IDH3A: variants seen among roughly 807,000 people sequenced by gnomAD.
IDH3A encodes the protein isocitrate dehydrogenase (NAD(+)) 3 catalytic subunit alpha.
In IDH3A, 23 loss-of-function variants were observed where a neutral mutation model predicts 43.3. The observed-to-expected ratio is 0.53, with a 90% CI of 0.38 to 0.75. IDH3A has a LOEUF of 0.75. IDH3A is among the 30% of genes least tolerant of loss of function. IDH3A has a pLI of 0.00. For missense variants in IDH3A, 329 were observed against 474.4 expected (o/e 0.69, Z 2.85); for synonymous variants, 154 against 163.5 (o/e 0.94, Z 0.44).
intron 3 of IDH3A, among the ~76,000 whole-genome samples, chr15:78,159,005 G>C (rs898390598): frequency 7.3e-5 from 11 of 151,330 alleles, no homozygotes; most frequent in Middle Eastern, 3.2e-3. Context: ...GCTGATTTTT[G>C]TATTTTTAGT....
intron 1 of IDH3A, among the ~76,000 whole-genome samples, chr15:78,152,518 G>A (rs1363713995): frequency 6.6e-6 from 1 of 151,116 alleles, no homozygotes; most frequent in Non-Finnish European, 1.5e-5. Context: ...GTGCCACCAC[G>A]CCTGGCTAAT....
chr15:78,156,923 C>T (rs755738957), intron 2 of IDH3A: 2 of 1,351,746 alleles, frequency 1.5e-6, no homozygotes, highest in Non-Finnish European at 2.0e-6. Context: ...CTTTGCCAAG[C>T]TTATGTAGAT....
rs543531717 is a variant in IDH3A, at chr15:78,161,594, C to T, written c.303C>T (p.Thr101=). The T allele has an allele frequency of 1.9e-6, 3 of 1,613,340 alleles. No individual in the cohort carries two copies. The highest frequency in any genetic ancestry group is 1.3e-5 in the African/African-American group (1 of 75,034). Residue 101 remains threonine, a synonymous_variant, in exon 5 of 11, where the codon ACC becomes ACT. Coordinates refer to ENST00000299518, the MANE Select transcript of IDH3A (RefSeq NM_005530.3). This position sits in a 1 kb window ranked among gnomAD's most constrained non-coding sequence, Gnocchi z 4.8. The part of the protein sequence containing the change: ...NKMGLKGPLK[T]PIAAGHPSMN... ...TCTGTATAACAGGCCCTTTGAAGAC[C>T]CCAATAGCAGCCGGTCACCCATCTA...
chr15:78,170,853 T>A lies in IDH3A; in HGVS notation c.*1848T>A, dbSNP rs2141312183. On this transcript the variant is annotated 3_prime_UTR_variant, in exon 11 of 11. Transcript: ENST00000299518. ...AAAAAATCAGGTCCTTGTTGACAGT[T>A]CTGTTAAAAGGTTTAATATTCAAAT... 1 of 153,108 alleles carries A rather than the reference T, an allele frequency of 6.5e-6. No individual in the cohort carries two copies. The highest frequency in any genetic ancestry group is 1.9e-4 in the East Asian group (1 of 5,196). The allele number at this position is 153,108 out of a possible 1,614,324, so 9.5% of individuals were successfully genotyped here.
In IDH3A at chr15:78,149,416, G is replaced by T. The variant is rs199857658; in HGVS notation, c.13G>T (p.Ala5Ser). The T allele has an allele frequency of 3.0e-4, 467 of 1,553,750 alleles. No homozygotes were observed. The highest frequency in any genetic ancestry group is 3.6e-4 in the Non-Finnish European group (419 of 1,157,124). The stretch of plus-strand genomic sequence containing the variant: ...AGGAGGGGAAGCGATGGCTGGGCCC[G>T]CGTGGATCTCTAAGGTGAGCGCTGG... The part of the protein sequence containing the change: MAGP[A>S]WISKVSRLLG... Residue 5 changes from alanine to serine, a missense_variant, in exon 1 of 11, where the codon GCG becomes TCG. Physicochemically the swap from Ala to Ser is moderately conservative, Grantham distance 99. This residue lies in a region of IDH3A where 26 missense variants were observed against 17.2 expected (regional missense o/e 1.51). Coordinates refer to ENST00000299518, the MANE Select transcript of IDH3A (RefSeq NM_005530.3).
intron 1 of IDH3A, among the ~76,000 whole-genome samples, chr15:78,153,375 C>T (rs2074595390): frequency 6.6e-6 from 1 of 152,088 alleles, no homozygotes; most frequent in African/African-American, 2.4e-5. Flanking sequence ...CTTTTTTGTT[C>T]AGGGAGAGGA....
chr15:78,156,753 C>A (rs1163469416), intron 2 of IDH3A, among the ~76,000 whole-genome samples: 1 of 152,200 alleles, frequency 6.6e-6, no homozygotes, highest in South Asian at 2.1e-4. Flanking sequence ...TTCTCCCTTA[C>A]ATATTTTTAT....
In IDH3A at chr15:78,163,631, C is replaced by T. The variant is rs369179415; in HGVS notation, c.714+22C>T. 69 of 1,562,246 alleles carry T rather than the reference C, an allele frequency of 4.4e-5. No individual in the cohort carries two copies. In the African/African-American group the frequency reaches 6.6e-4, roughly 15 times the overall value. ...GAATGTAAGTATATATTCACACTTA[C>T]CTGCTACTTTTTATGGTGAATGGTG... is the stretch of plus-strand genomic sequence containing the variant. On this transcript the variant is annotated intron_variant, in intron 7 of 10. Coordinates refer to ENST00000299518, the MANE Select transcript of IDH3A (RefSeq NM_005530.3).
At chr15:78,149,941 A>G (rs2074560195) in intron 1 of IDH3A, among the ~76,000 whole-genome samples, 1 of 152,184 alleles carries the variant, frequency 6.6e-6, no homozygotes, top group South Asian at 2.1e-4. Flanking sequence ...AGGTTTTCCC[A>G]GGTGAGAGAA....
chr15:78,151,738 T>C (rs148830887), intron 1 of IDH3A, among the ~76,000 whole-genome samples: 107 of 152,188 alleles, frequency 7.0e-4, no homozygotes, highest in Non-Finnish European at 1.4e-3. Flanking sequence ...AGTTTCCTCA[T>C]CTGAAAAGTG....
intron 3 of IDH3A, among the ~76,000 whole-genome samples, chr15:78,158,862 C>T (rs924842636): frequency 2.0e-5 from 3 of 151,026 alleles, no homozygotes; most frequent in African/African-American, 7.3e-5. Flanking sequence ...GACATTGTTT[C>T]GCTCTTGTTG....
rs2074818852 is a variant in IDH3A at position 78,171,351 on chromosome 15, A to T, written c.*2346A>T. Reference sequence around the variant, plus strand: ...TGGAGATCTAACAGACTTGGCAGAAATGCCTGTGCCCAGACTGAAGAGACC... The same window carrying T: ...TGGAGATCTAACAGACTTGGCAGAATTGCCTGTGCCCAGACTGAAGAGACC... On this transcript the variant is annotated 3_prime_UTR_variant, in exon 11 of 11. Coordinates refer to ENST00000299518, the MANE Select transcript of IDH3A (RefSeq NM_005530.3). 3 of 1,031,530 alleles carry T rather than the reference A, an allele frequency of 2.9e-6. No individual in the cohort carries two copies. In the African/African-American group the frequency reaches 4.8e-5, roughly 17 times the overall value. The allele number at this position is 1,031,530 out of a possible 1,614,324, so 63.9% of individuals were successfully genotyped here. A position where few individuals can be genotyped will look rare whatever the true frequency, so the allele number is the denominator to read the frequency against.
At chr15:78,166,362 C>T in intron 10 of IDH3A, 60 bp downstream of exon 10, 2 of 1,542,476 alleles carry the variant, frequency 1.3e-6, no homozygotes, top group Non-Finnish European at 1.8e-6. Context: ...TGTGTTTTAT[C>T]TGAGTGAAAG....
At chr15:78,156,206 A>G (rs1343649663) in intron 2 of IDH3A, among the ~76,000 whole-genome samples, 1 of 152,256 alleles carries the variant, frequency 6.6e-6, no homozygotes, top group Admixed American at 6.5e-5. Flanking sequence ...AAAGCTAATA[A>G]GATGATCATT....
At chr15:78,162,395 C>G in intron 6 of IDH3A, 28 bp downstream of exon 6, 1 of 1,609,870 alleles carries the variant, frequency 6.2e-7, no homozygotes, top group Non-Finnish European at 8.5e-7. Flanking sequence ...GCCGGCACCC[C>G]ATCTTGCTTT....
chr15:78,165,190 T>G, intron 9 of IDH3A, 114 bp downstream of exon 9: 1 of 700,152 alleles, frequency 1.4e-6, no homozygotes, highest in South Asian at 1.6e-5. Flanking sequence ...CAAAACAAAA[T>G]GATGCTTTTT....
chr15:78,164,863 G>C, intron 8 of IDH3A, 129 bp from the exon 9 acceptor site: 1 of 697,100 alleles, frequency 1.4e-6, no homozygotes, highest in East Asian at 2.7e-5. Context: ...CTTTGCCCTG[G>C]AATCAGCCAT....
At chr15:78,166,928 G>A (rs2074750476) in intron 10 of IDH3A, among the ~76,000 whole-genome samples, 1 of 152,076 alleles carries the variant, frequency 6.6e-6, no homozygotes, top group South Asian at 2.1e-4. Flanking sequence ...CACCACACCC[G>A]GCCAAGTTCA....
In IDH3A at chr15:78,171,539, A is replaced by T. The variant is rs777782663; in HGVS notation, c.*2534A>T. 2 of 1,607,128 alleles carry T rather than the reference A, an allele frequency of 1.2e-6. No individual in the cohort carries two copies. Among genetic ancestry groups the T allele is most frequent in the Non-Finnish European group, 1.7e-6 (2 of 1,173,592 alleles). On this transcript the variant is annotated 3_prime_UTR_variant, in exon 11 of 11. Coordinates refer to ENST00000299518, the MANE Select transcript of IDH3A (RefSeq NM_005530.3). ...AGTTTCATCGTGGGACCTAAAAGGG[A>T]AATGAGAAGAAATGAGTGAGGCCCA...
Sources: allele counts gnomAD v4.1 joint callset (sites outside exome capture counted in the v4.1 genomes callset), GRCh38; gene constraint gnomAD v4.1.1; regional missense constraint gnomAD v4.1.1; non-coding constraint Gnocchi (gnomAD v3.1); transcripts MANE v1.5; gene names NCBI Gene and HGNC (gene_info 2026-07-23, HGNC 2026-07-21).